Variants in BAD observed in about 807,000 individuals in gnomAD.
The protein encoded by BAD is bcl2-associated agonist of cell death.
Under a neutral mutation model 17.8 loss-of-function variants are expected in BAD, and 18 were observed. The ratio of observed to expected loss-of-function variants is 1.01; its 90% confidence interval spans 0.70 to 1.50. The LOEUF is 1.50. Among genes scored for constraint, BAD ranks in the 40% most tolerant of loss-of-function variants. BAD has a pLI of 0.00. For synonymous variants in BAD, 112 were observed against 91.5 expected (o/e 1.22, Z -1.28); for missense variants, 294 against 239.3 (o/e 1.23, Z -1.51).
chr11:64,271,491 G>C (rs957401223), intron 3 of BAD, 122 bp downstream of exon 3: 1 of 1,049,788 alleles, frequency 9.5e-7, no homozygotes, highest in African/African-American at 1.7e-5. Flanking sequence ...GAAGGAACAG[G>C]ACGGCTTTGG....
Position 64,270,637 on chromosome 11 carries a change from G to A in BAD, c.379-300C>T, listed in dbSNP as rs187500259. 2,259 of 633,078 alleles carry A rather than the reference G, an allele frequency of 3.6e-3. 8 individuals carry two copies. Among genetic ancestry groups the A allele is most frequent in the Non-Finnish European group, 5.8e-3 (1,977 of 340,978 alleles). The allele number at this position is 633,078 out of a possible 1,614,324, so 39.2% of individuals were successfully genotyped here. A position where few individuals can be genotyped will look rare whatever the true frequency, so the allele number is the denominator to read the frequency against. ...CACCCAGAAGATGAGACCGCAATTC[G>A]AGAATCAAAGGGCCGGGAGCGATGG... On this transcript the variant is annotated intron_variant, in intron 3 of 3. Transcript: ENST00000309032.
At chr11:64,273,903 C>G (rs1342429940) in intron 2 of BAD, among the ~76,000 whole-genome samples, 1 of 135,822 alleles carries the variant, frequency 7.4e-6, no homozygotes. Flanking sequence ...GGGAAACATG[C>G]TGGGTGTTTA....
chr11:64,270,459 C>G, intron 3 of BAD, 122 bp from the exon 4 acceptor site: 1 of 1,344,222 alleles, frequency 7.4e-7, no homozygotes, highest in Non-Finnish European at 1.0e-6. Context: ...GCCACAACTC[C>G]CAGGAGGCTC....
At position 64,284,291 on chromosome 11, in the gene BAD, G is replaced by C. The variant is rs1233788186; in HGVS notation, c.78C>G (p.Pro26=). 2 of 1,612,010 alleles carry C rather than the reference G, an allele frequency of 1.2e-6. No homozygotes were observed. The highest frequency in any genetic ancestry group is 3.3e-5 in the Admixed American group (2 of 60,030). The change falls in exon 2 of 4, where the codon CCC becomes CCG. Residue 26 remains proline (P), a synonymous_variant. Coordinates refer to ENST00000309032, the MANE Select transcript of BAD (RefSeq NM_032989.3). ...CGGAGCCTGAGGGCCCGTCCCCTGC[G>C]GGGCTGGGGCCCAGGCCCCTCTCTG... ...SSAERGLGPS[P]AGDGPSGSGK...
In BAD at chr11:64,284,624, G is replaced by T. The variant is rs1037263072; in HGVS notation, c.-9+7C>A. The T allele has an allele frequency of 6.6e-6, 10 of 1,521,922 alleles. No individual in the cohort carries two copies. In the Admixed American group the frequency reaches 8.1e-5, roughly 12 times the overall value. 94.3% of individuals were successfully genotyped at this position (1,521,922 alleles called of 1,614,324 possible). On this transcript the variant is annotated splice_region_variant and intron_variant, in intron 1 of 3. Coordinates refer to ENST00000309032, the MANE Select transcript of BAD (RefSeq NM_032989.3). ...CCCCGCCCGTGGTGACGGCGCACAGGTCTCACCCCAAGCCCGATCTCGAGG... is the reference window on the plus strand; with the variant it reads ...CCCCGCCCGTGGTGACGGCGCACAGTTCTCACCCCAAGCCCGATCTCGAGG...
chr11:64,277,324 G>T (rs766737153), intron 2 of BAD, among the ~76,000 whole-genome samples: 2 of 152,216 alleles, frequency 1.3e-5, no homozygotes, highest in Non-Finnish European at 2.9e-5. Flanking sequence ...GTAGGCCTCA[G>T]CCTTGACTAT....
intron 2 of BAD, among the ~76,000 whole-genome samples, chr11:64,272,537 C>G (rs1393164923): frequency 6.6e-6 from 1 of 152,176 alleles, no homozygotes; most frequent in Non-Finnish European, 1.5e-5. Context: ...GCTACATGTC[C>G]GCATCCCCCA....
chr11:64,284,397 G>A lies in BAD; in HGVS notation c.-8-21C>T, dbSNP rs749321296. Reference sequence around the variant, plus strand: ...CTGGGCTGTGAGGACAAGATGTTACGTAGTCAAGGCACAGCTGGGGCCAAC... The same window carrying A: ...CTGGGCTGTGAGGACAAGATGTTACATAGTCAAGGCACAGCTGGGGCCAAC... On this transcript the variant is annotated intron_variant, in intron 1 of 3. Coordinates refer to ENST00000309032, the MANE Select transcript of BAD (RefSeq NM_032989.3). 6.2e-6 allele frequency: 10 copies of A among 1,611,586 alleles called. No individual in the cohort carries two copies. In the South Asian group the frequency reaches 9.9e-5, roughly 16 times the overall value.
At chr11:64,278,162 C>T (rs1461492222) in intron 2 of BAD, among the ~76,000 whole-genome samples, 2 of 151,920 alleles carry the variant, frequency 1.3e-5, no homozygotes, top group Admixed American at 1.3e-4. Flanking sequence ...GGCATGGTGG[C>T]GTGCGCCTGT....
chr11:64,271,698 C>T lies in BAD; in HGVS notation c.293G>A (p.Arg98His). Reference sequence around the variant, plus strand: ...TGCCCAGAGGTTGGGGGGCGCCGAGCGCGAGCGGCCCCGAAAGGGGCTGGG... The same window carrying T: ...TGCCCAGAGGTTGGGGGGCGCCGAGTGCGAGCGGCCCCGAAAGGGGCTGGG... ...EEPSPFRGRS[R>H]SAPPNLWAAQ... Residue 98 changes from arginine (R) to histidine (H), a missense_variant, in exon 3 of 4, where the codon CGC becomes CAC. By Grantham distance (29) the Arg-to-His change is conservative (BLOSUM62 0). Coordinates refer to ENST00000309032, the MANE Select transcript of BAD (RefSeq NM_032989.3). The T allele has an allele frequency of 6.8e-7, 1 of 1,469,814 alleles. No homozygotes were observed. The highest frequency in any genetic ancestry group is 2.7e-5 in the East Asian group (1 of 36,538). 91.0% of individuals were successfully genotyped at this position (1,469,814 alleles called of 1,614,324 possible).
At chr11:64,284,107 G>T in intron 2 of BAD, 75 bp downstream of exon 2, 1 of 1,481,420 alleles carries the variant, frequency 6.8e-7, no homozygotes, top group South Asian at 1.3e-5. Flanking sequence ...AGTGCCTGTG[G>T]ATGCAACTGG....
intron 2 of BAD, among the ~76,000 whole-genome samples, chr11:64,283,102 A>T (rs970833159): frequency 6.6e-6 from 1 of 152,190 alleles, no homozygotes; most frequent in African/African-American, 2.4e-5. Context: ...TATGGGGTCC[A>T]ATCTGAGAGA....
chr11:64,275,492 T>C (rs1055310417), intron 2 of BAD, among the ~76,000 whole-genome samples: 48 of 152,202 alleles, frequency 3.2e-4, no homozygotes, highest in African/African-American at 1.1e-3. Flanking sequence ...AGGATCGCCA[T>C]GACAACAAAT....
At chr11:64,279,946 G>A (rs1365458911) in intron 2 of BAD, among the ~76,000 whole-genome samples, 1 of 151,944 alleles carries the variant, frequency 6.6e-6, no homozygotes, top group Non-Finnish European at 1.5e-5. Flanking sequence ...CACTTTGTGA[G>A]GCCAAGGTGG....
chr11:64,281,861 T>C (rs2033501141), intron 2 of BAD, among the ~76,000 whole-genome samples: 1 of 152,162 alleles, frequency 6.6e-6, no homozygotes, highest in African/African-American at 2.4e-5. Flanking sequence ...GCTGGGACTA[T>C]AGGTGCGCGC....
In BAD at chr11:64,284,335, G is replaced by A; in HGVS notation, c.34C>T (p.Gln12Ter). The A allele has an allele frequency of 6.2e-7, 1 of 1,612,826 alleles. No individual in the cohort carries two copies. Among genetic ancestry groups the A allele is most frequent in the Non-Finnish European group, 8.5e-7 (1 of 1,179,964 alleles). Residue 12 changes from glutamine (Q) to a stop codon, truncating the protein, a stop_gained, in exon 2 of 4, where the codon CAG becomes TAG. Transcript: ENST00000309032. LOFTEE classifies it high-confidence loss of function. Reference sequence around the variant, plus strand: ...CTCTCTGCAGAGCTGGAGTCTTCCTGCTCACTCGGCTCAAACTCTGGGATC... The same window carrying A: ...CTCTCTGCAGAGCTGGAGTCTTCCTACTCACTCGGCTCAAACTCTGGGATC... ...FQIPEFEPSE[Q>*]EDSSSAERGL...
Position 64,284,237 on chromosome 11 carries a change from G to A in BAD, c.132C>T (p.Leu44=), listed in dbSNP as rs752542699. The change falls in exon 2 of 4, where the codon CTC becomes CTT. Residue 44 remains leucine (L), a synonymous_variant. Transcript: ENST00000309032. ...SGKHHRQAPG[L]LWDASHQQEQ... ...CCTGCTGGTGACTGGCGTCCCACAGGAGGCCTGGGGCCTGGCGATGATGCT... is the reference window on the plus strand; with the variant it reads ...CCTGCTGGTGACTGGCGTCCCACAGAAGGCCTGGGGCCTGGCGATGATGCT... 3.1e-6 allele frequency: 5 copies of A among 1,608,344 alleles called. No individual in the cohort carries two copies. In the South Asian group the frequency reaches 5.5e-5, roughly 18 times the overall value.
chr11:64,276,582 C>A (rs956617756), intron 2 of BAD, among the ~76,000 whole-genome samples: 2 of 152,298 alleles, frequency 1.3e-5, no homozygotes, highest in South Asian at 2.1e-4. Context: ...GTGCCTCGGC[C>A]CCCCAAAGTG....
intron 2 of BAD, chr11:64,276,643 A>G: frequency 4.8e-6 from 2 of 418,720 alleles, no homozygotes; most frequent in East Asian, 8.7e-5. Context: ...TGAATTTTTA[A>G]AAAGTGTTCT....
Sources: allele counts gnomAD v4.1 joint callset (sites outside exome capture counted in the v4.1 genomes callset), GRCh38; gene constraint gnomAD v4.1.1; transcripts MANE v1.5; gene names NCBI Gene and HGNC (gene_info 2026-07-23, HGNC 2026-07-21).